WDR25: variants seen among roughly 807,000 people sequenced by gnomAD.
The protein encoded by WDR25 is WD repeat-containing protein 25.
In WDR25, 35 loss-of-function variants were observed where a neutral mutation model predicts 47.7. That is an observed-to-expected ratio of 0.73 (90% confidence interval 0.56 to 0.97). WDR25 has a LOEUF of 0.97. Ranked by LOEUF, WDR25 falls within the 50% of genes least tolerant of loss-of-function variation. The probability of loss-of-function intolerance (pLI) is 0.00; values close to 1 mark genes in which losing one functional copy is unlikely to be tolerated. For missense variants in WDR25, 634 were observed against 704.7 expected, an observed-to-expected ratio of 0.90 and a Z score of 1.14; for synonymous variants, 248 against 278.9, an observed-to-expected ratio of 0.89 and a Z score of 1.10.
chr14:100,439,464 G>A (rs1007842479), intron 2 of WDR25, among the ~76,000 whole-genome samples: 2 of 152,214 alleles, frequency 1.3e-5, no homozygotes, highest in Admixed American at 1.3e-4. Context: ...AGCCGTTAGT[G>A]TTTATGAAGG....
intron 2 of WDR25, among the ~76,000 whole-genome samples, chr14:100,435,091 T>C (rs1174831483): frequency 2.6e-5 from 4 of 152,320 alleles, no homozygotes; most frequent in South Asian, 2.1e-4. Flanking sequence ...CTTTTCCACC[T>C]GACTCTGGAA....
intron 2 of WDR25, among the ~76,000 whole-genome samples, chr14:100,457,667 A>T (rs1899248811): frequency 1.3e-5 from 2 of 152,218 alleles, no homozygotes; most frequent in Admixed American, 1.3e-4. Flanking sequence ...GGAAAATGTA[A>T]GATGTTTTTT....
At chr14:100,377,271 AGCTG>A (rs1166253716) in intron 1 of WDR25, among the ~76,000 whole-genome samples, 1 of 144,742 alleles carries the variant, frequency 6.9e-6, no homozygotes, top group Non-Finnish European at 1.5e-5. Context: ...ATTGGAGATG[AGCTG>A]GCTGGCTGGC....
intron 2 of WDR25, among the ~76,000 whole-genome samples, chr14:100,450,207 C>T (rs1237213062): frequency 6.6e-6 from 1 of 152,206 alleles, no homozygotes; most frequent in South Asian, 2.1e-4. Flanking sequence ...CTGCGTTTTG[C>T]CCACTCTTGT....
intron 2 of WDR25, among the ~76,000 whole-genome samples, chr14:100,406,303 G>A (rs1897536986): frequency 6.6e-6 from 1 of 152,190 alleles, no homozygotes; most frequent in South Asian, 2.1e-4. Flanking sequence ...CCATTCTTAT[G>A]TACTCAGGAG....
Position 100,488,463 on chromosome 14 carries a change from T to G in WDR25, c.1101+4339T>G, listed in dbSNP as rs906636218. On this transcript the variant is annotated intron_variant, in intron 4 of 6. Coordinates refer to ENST00000402312, the MANE Select transcript of WDR25 (RefSeq NM_001161476.3). This position sits in a 1 kb window ranked among gnomAD's most constrained non-coding sequence, Gnocchi z 4.2. ...CTCACGTCCTCCCTCTGCTACTTGC[T>G]TGGCTGGGTGATTTCGGCCACATTC... Among the ~76,000 whole-genome samples, 1 of 152,174 alleles carries G rather than the reference T, an allele frequency of 6.6e-6. No homozygotes were observed. The highest frequency in any genetic ancestry group is 2.4e-5 in the African/African-American group (1 of 41,448).
chr14:100,527,046 A>G (rs538793150), intron 5 of WDR25, among the ~76,000 whole-genome samples: 32 of 46,776 alleles, frequency 6.8e-4, no homozygotes, highest in Non-Finnish European at 1.5e-3. Context: ...TCACCACTCT[A>G]TCACCACCAC....
In WDR25 at chr14:100,386,506, A is replaced by G. The variant is rs561122840; in HGVS notation, c.822+4760A>G. ...CTCCATCATTTCCATGTTGTTTCCT[A>G]TAATTTCCTGCTTTTGTTTAAAAAA... On this transcript the variant is annotated intron_variant, in intron 2 of 6. Coordinates refer to ENST00000402312, the MANE Select transcript of WDR25 (RefSeq NM_001161476.3). Among the ~76,000 whole-genome samples the G allele has an allele frequency of 5.3e-5, 8 of 152,322 alleles. No individual in the cohort carries two copies. The East Asian group carries it at 1.2e-3, about 22-fold the overall frequency.
intron 2 of WDR25, chr14:100,406,913 C>G (rs1182533373): frequency 6.6e-6 from 1 of 152,408 alleles, no homozygotes; most frequent in East Asian, 1.9e-4. Context: ...TGTGGCTAGG[C>G]CCCCCTTCTC....
At chr14:100,456,118 G>A (rs756419075) in intron 2 of WDR25, among the ~76,000 whole-genome samples, 62 of 152,156 alleles carry the variant, frequency 4.1e-4, no homozygotes, top group Non-Finnish European at 6.3e-4. Context: ...AGCTACTTGC[G>A]AGGATGAGGT....
At chr14:100,406,586 G>A (rs557604661) in intron 2 of WDR25, 3 of 152,390 alleles carry the variant, frequency 2.0e-5, no homozygotes, top group African/African-American at 7.2e-5. Flanking sequence ...AATGATCAGA[G>A]TCCAAGGCCA....
chr14:100,411,797 A>G (rs914994450), intron 2 of WDR25, among the ~76,000 whole-genome samples: 2 of 152,156 alleles, frequency 1.3e-5, no homozygotes, highest in African/African-American at 4.8e-5. Flanking sequence ...TGGCCTCCCA[A>G]AGTGTTGGGA....
In WDR25 at chr14:100,460,560, G is replaced by A. The variant is rs73349454; in HGVS notation, c.823-7461G>A. 4.9e-3 allele frequency among the ~76,000 whole-genome samples: 751 copies of A among 152,002 alleles called. 10 individuals are homozygous for A. Among genetic ancestry groups the A allele is most frequent in the African/African-American group, 0.017 (706 of 41,438 alleles). On this transcript the variant is annotated intron_variant, in intron 2 of 6. Transcript: ENST00000402312. ...TCAGCATTAATGACTGAACTATAATGTTAATGACTAATTATGAAAGAAAAA... is the reference window on the plus strand; with the variant it reads ...TCAGCATTAATGACTGAACTATAATATTAATGACTAATTATGAAAGAAAAA...
chr14:100,410,821 C>A (rs564484317), intron 2 of WDR25, among the ~76,000 whole-genome samples: 6 of 148,362 alleles, frequency 4.0e-5, no homozygotes, highest in African/African-American at 1.5e-4. Context: ...CTCACGCTGT[C>A]GCCCACACTG....
In WDR25 at chr14:100,488,660, C is replaced by G. The variant is rs940233754; in HGVS notation, c.1101+4536C>G. Among the ~76,000 whole-genome samples the G allele has an allele frequency of 1.5e-4, 23 of 152,106 alleles. No homozygotes were observed. The highest frequency in any genetic ancestry group is 5.6e-4 in the African/African-American group (23 of 41,434). ...AGGTCCAGGTTGGGATAAGATCCTG[C>G]ATTTCTAACAAGCTCCCAGGAAATG... is the stretch of plus-strand genomic sequence containing the variant. On this transcript the variant is annotated intron_variant, in intron 4 of 6. Coordinates refer to ENST00000402312, the MANE Select transcript of WDR25 (RefSeq NM_001161476.3). The surrounding 1 kb of genome is among the most constrained non-coding windows in gnomAD (Gnocchi z 4.2).
At chr14:100,442,179 C>T (rs1307316632) in intron 2 of WDR25, among the ~76,000 whole-genome samples, 1 of 152,196 alleles carries the variant, frequency 6.6e-6, no homozygotes, top group African/African-American at 2.4e-5. Flanking sequence ...GCTTATCACA[C>T]TGCTCCTGGA....
In WDR25 at chr14:100,424,533, G is replaced by A. The variant is rs561883301; in HGVS notation, c.822+42787G>A. On this transcript the variant is annotated intron_variant, in intron 2 of 6. Coordinates refer to ENST00000402312, the MANE Select transcript of WDR25 (RefSeq NM_001161476.3). The surrounding 1 kb of genome is among the most constrained non-coding windows in gnomAD (Gnocchi z 4.2). The stretch of plus-strand genomic sequence containing the variant: ...GGACCTGGGAGCAGGCCCCACACCA[G>A]GTGTGACATGCCTGTGCTCAGCCAA... 1.2e-4 allele frequency among the ~76,000 whole-genome samples: 18 copies of A among 152,316 alleles called. No individual in the cohort carries two copies. The East Asian group carries it at 3.5e-3, about 29-fold the overall frequency.
At chr14:100,386,840 C>T (rs771887523) in intron 2 of WDR25, among the ~76,000 whole-genome samples, 20 of 152,010 alleles carry the variant, frequency 1.3e-4, no homozygotes, top group Non-Finnish European at 2.9e-4. Flanking sequence ...TTGCAGTGAG[C>T]CCAGATCGCA....
intron 2 of WDR25, among the ~76,000 whole-genome samples, chr14:100,394,910 A>T (rs968918669): frequency 6.6e-6 from 1 of 152,134 alleles, no homozygotes; most frequent in East Asian, 1.9e-4. Context: ...GCTTGAGCCC[A>T]GGAGGTTAAG....
Sources: gnomAD v4.1 joint callset for allele counts (sites outside exome capture counted in the v4.1 genomes callset) on GRCh38, gnomAD v4.1.1 for gene constraint, Gnocchi (gnomAD v3.1) non-coding constraint, MANE v1.5 for transcripts, NCBI Gene and HGNC (gene_info 2026-07-23, HGNC 2026-07-21) for gene names.